The following CWF19L1 variants were observed in gnomAD, a reference collection of about 807,000 sequenced individuals.
CWF19L1 encodes the protein CWF19-like protein 1.
In CWF19L1, 60 loss-of-function variants were observed where a neutral mutation model predicts 69.7. The observed-to-expected ratio is 0.86, with a 90% CI of 0.70 to 1.07. The LOEUF (loss-of-function observed/expected upper bound fraction) is 1.07. Among genes scored for constraint, CWF19L1 ranks in the 50% least tolerant of loss-of-function variants. CWF19L1 has a pLI of 0.00. For synonymous variants in CWF19L1, 209 were observed against 222.2 expected, an observed-to-expected ratio of 0.94 and a Z score of 0.53; for missense variants, 591 against 638.9, an observed-to-expected ratio of 0.92 and a Z score of 0.81.
intron 1 of CWF19L1, among the ~76,000 whole-genome samples, chr10:100,265,066 A>G (rs1564865161): frequency 6.6e-6 from 1 of 151,762 alleles, no homozygotes; most frequent in Non-Finnish European, 1.5e-5. Context: ...GGTTGCAGTG[A>G]GCCGTGATTG....
chr10:100,262,406 T>C, intron 1 of CWF19L1: 1 of 983,666 alleles, frequency 1.0e-6, no homozygotes, highest in Non-Finnish European at 1.2e-6. Context: ...TTTCCAAACA[T>C]CTTTCACATT....
chr10:100,233,301 T>C lies in CWF19L1; in HGVS notation c.1543A>G (p.Lys515Glu), dbSNP rs759527943. The change falls in exon 14 of 14, where the codon AAG becomes GAG. Residue 515 changes from lysine (K) to glutamate (E), a missense_variant. This residue lies in a region of CWF19L1 where 458 missense variants were observed against 489.3 expected (regional missense o/e 0.94). Coordinates refer to ENST00000354105, the MANE Select transcript of CWF19L1 (RefSeq NM_018294.6). ...KSDWRQCQIS[K>E]EDEETLARRF... is the part of the protein sequence containing the mutation. ...CGAGCCAGGGTCTCCTCGTCTTCCT[T>C]GCTGATCTGACACTGCCTCCAGTCA... The C allele has an allele frequency of 6.2e-6, 10 of 1,613,944 alleles. No individual in the cohort carries two copies. Among genetic ancestry groups the C allele is most frequent in the Admixed American group, 3.3e-5 (2 of 59,996 alleles).
chr10:100,250,901 T>C (rs769796882), intron 6 of CWF19L1, among the ~76,000 whole-genome samples: 4 of 149,466 alleles, frequency 2.7e-5, no homozygotes, highest in Non-Finnish European at 3.0e-5. Context: ...TGAGCCTTGA[T>C]AGTACCTCAG....
intron 7 of CWF19L1, chr10:100,248,382 C>T (rs1055191382): frequency 2.4e-5 from 19 of 796,810 alleles, no homozygotes; most frequent in Middle Eastern, 2.4e-4. Flanking sequence ...CATCTTTGAC[C>T]GATTCCATGG....
chr10:100,238,024 G>A lies in CWF19L1; in HGVS notation c.1252C>T (p.Gln418Ter), dbSNP rs1321926662. Residue 418 changes from glutamine to a stop codon, truncating the protein, a stop_gained and splice_region_variant, in exon 11 of 14, where the codon CAG becomes TAG. Transcript: ENST00000354105. LOFTEE classifies it high-confidence loss of function. ...GTTTCTATGAACAGACCACCTACCT[G>A]TAGCTGGAGGTGATGGCTCTTATAA... ...RNYKSHHLQL[Q>*]VIPVPISCST... 1.2e-6 allele frequency: 2 copies of A among 1,613,228 alleles called. No homozygotes were observed. Among genetic ancestry groups the A allele is most frequent in the Non-Finnish European group, 1.7e-6 (2 of 1,179,266 alleles).
chr10:100,265,712 G>A (rs957303617), intron 1 of CWF19L1, among the ~76,000 whole-genome samples: 28 of 151,872 alleles, frequency 1.8e-4, no homozygotes, highest in Non-Finnish European at 4.0e-4. Flanking sequence ...GTAGACACAG[G>A]GTTTCACCAT....
chr10:100,267,147 C>CCAAAAA (rs1847624171), intron 1 of CWF19L1, among the ~76,000 whole-genome samples: 1 of 30,770 alleles, frequency 3.2e-5, no homozygotes. Flanking sequence ...CTCCTCCTCG[C>CCAAAAA]AAAAAAAAAA....
rs35490714 is a variant in CWF19L1, at chr10:100,233,276, C to A, written c.1568G>T (p.Arg523Leu). 6.2e-7 allele frequency: 1 copy of A among 1,613,684 alleles called. No individual in the cohort carries two copies. Among genetic ancestry groups the A allele is most frequent in the South Asian group, 1.1e-5 (1 of 90,996 alleles). ...ISKEDEETLA[R>L]RFRKDFEPYD... ...GGGCTCAAAGTCTTTCCGGAAGCGG[C>A]GAGCCAGGGTCTCCTCGTCTTCCTT... Residue 523 changes from arginine to leucine, a missense_variant, in exon 14 of 14, where the codon CGC becomes CTC. By Grantham distance (102) the Arg-to-Leu change is moderately radical. Transcript: ENST00000354105.
chr10:100,242,329 T>G (rs1589614954), intron 10 of CWF19L1, among the ~76,000 whole-genome samples: 2 of 152,216 alleles, frequency 1.3e-5, no homozygotes, highest in East Asian at 3.8e-4. Flanking sequence ...AATTTTATCT[T>G]TGATGTGATC....
chr10:100,262,750 C>T (rs1368106944), intron 1 of CWF19L1, among the ~76,000 whole-genome samples: 1 of 152,112 alleles, frequency 6.6e-6, no homozygotes, highest in African/African-American at 2.4e-5. Flanking sequence ...ACTGGCCCTA[C>T]GTTGTGAAGT....
At chr10:100,249,397 A>G (rs1846945981) in intron 7 of CWF19L1, among the ~76,000 whole-genome samples, 1 of 152,146 alleles carries the variant, frequency 6.6e-6, no homozygotes, top group Non-Finnish European at 1.5e-5. Flanking sequence ...CTCAATCCAC[A>G]ATAGGTTAGT....
chr10:100,234,880 C>A (rs1430142801), intron 13 of CWF19L1, among the ~76,000 whole-genome samples: 2 of 152,150 alleles, frequency 1.3e-5, no homozygotes, highest in Admixed American at 6.5e-5. Flanking sequence ...TAGGCCTTTA[C>A]CATACTGTAG....
intron 13 of CWF19L1, among the ~76,000 whole-genome samples, chr10:100,233,737 G>A (rs1589606838): frequency 6.6e-6 from 1 of 152,298 alleles, no homozygotes; most frequent in East Asian, 1.9e-4. Context: ...TTTCATCTCT[G>A]AGTCTTGATT....
intron 6 of CWF19L1, among the ~76,000 whole-genome samples, chr10:100,252,939 T>C (rs1847090360): frequency 6.6e-6 from 1 of 152,242 alleles, no homozygotes; most frequent in African/African-American, 2.4e-5. Context: ...CATGCTGTTT[T>C]GAAATGTGTA....
intron 1 of CWF19L1, chr10:100,262,644 T>C: frequency 5.6e-6 from 1 of 179,848 alleles, no homozygotes; most frequent in Non-Finnish European, 1.1e-5. Flanking sequence ...ACTCTAATCA[T>C]TATAAATTTA....
chr10:100,259,384 G>C (rs974059565), intron 4 of CWF19L1, among the ~76,000 whole-genome samples: 1 of 151,952 alleles, frequency 6.6e-6, no homozygotes, highest in African/African-American at 2.4e-5. Context: ...AGTGTACCTA[G>C]AACCAGAAAA....
At chr10:100,238,960 C>T (rs544215610) in intron 10 of CWF19L1, among the ~76,000 whole-genome samples, 131 of 150,442 alleles carry the variant, frequency 8.7e-4, no homozygotes, top group African/African-American at 2.6e-3. Context: ...AAAAATGACC[C>T]CTTTCTGCCT....
At chr10:100,245,715 T>TTA (rs1846795701) in intron 9 of CWF19L1, 84 bp downstream of exon 9, 2 of 956,872 alleles carry the variant, frequency 2.1e-6, no homozygotes, top group Admixed American at 2.0e-5. Context: ...CAGAAGAGGC[T>TTA]CTCTTAGCAA....
At position 100,245,841 on chromosome 10, in the gene CWF19L1, C is replaced by G. The variant is rs747787152; in HGVS notation, c.922G>C (p.Asp308His). ...TTTGGATGAGGAGAAGATTTGCTAT[C>G]TCTACCTGTGGATGAACGCTTCCTT... is the stretch of plus-strand genomic sequence containing the variant. Reference protein sequence around the residue: ...QGRKRSSTGRDSKSSPHPKQP... With the variant: ...QGRKRSSTGRHSKSSPHPKQP... The change falls in exon 9 of 14, where the codon GAT becomes CAT. Residue 308 changes from aspartate (D) to histidine (H), a missense_variant. By Grantham distance (81) the Asp-to-His change is moderately conservative (BLOSUM62 -1). Coordinates refer to ENST00000354105, the MANE Select transcript of CWF19L1 (RefSeq NM_018294.6). 1.2e-6 allele frequency: 2 copies of G among 1,614,218 alleles called. No homozygotes were observed. Among genetic ancestry groups the G allele is most frequent in the Admixed American group, 1.7e-5 (1 of 60,032 alleles).
Sources: allele counts gnomAD v4.1 joint callset (sites outside exome capture counted in the v4.1 genomes callset), GRCh38; gene constraint gnomAD v4.1.1; regional missense constraint gnomAD v4.1.1; transcripts MANE v1.5; gene names NCBI Gene and HGNC (gene_info 2026-07-23, HGNC 2026-07-21).